DISC1: variants seen among roughly 807,000 people sequenced by gnomAD.
DISC1 encodes the protein DISC1 scaffold protein, also known as disrupted in schizophrenia 1 protein.
Under a neutral mutation model 84.5 loss-of-function variants are expected in DISC1, and 57 were observed. The observed-to-expected ratio is 0.67, with a 90% CI of 0.55 to 0.84. The LOEUF (loss-of-function observed/expected upper bound fraction) is 0.84. Ranked by LOEUF, DISC1 falls within the 40% of genes least tolerant of loss-of-function variation. The probability of loss-of-function intolerance (pLI) is 0.00; values close to 1 mark genes in which losing one functional copy is unlikely to be tolerated. For missense variants in DISC1, 1,000 were observed against 1,057.8 expected (o/e 0.95, Z 0.76); for synonymous variants, 411 against 415.2 (o/e 0.99, Z 0.12).
At chr1:231,655,194 T>C (rs964183849) in intron 1 of DISC1, among the ~76,000 whole-genome samples, 1 of 152,222 alleles carries the variant, frequency 6.6e-6, no homozygotes, top group Non-Finnish European at 1.5e-5. Context: ...GAAATTTTAG[T>C]GTACCCAAGT....
In DISC1 at chr1:231,892,459, C is replaced by A. The variant is rs559203514; in HGVS notation, c.1982-66369C>A. 5.3e-5 allele frequency among the ~76,000 whole-genome samples: 8 copies of A among 152,188 alleles called. No individual in the cohort carries two copies. In the East Asian group the frequency reaches 1.5e-3, roughly 29 times the overall value. Reference sequence around the variant, plus strand: ...GAGTAAACTGCTGAACCCTGTGGTGCCTTGGTGTCCTCACCAATAAAATAG... The same window carrying A: ...GAGTAAACTGCTGAACCCTGTGGTGACTTGGTGTCCTCACCAATAAAATAG... On this transcript the variant is annotated intron_variant, in intron 9 of 12. Coordinates refer to ENST00000439617, the MANE Select transcript of DISC1 (RefSeq NM_018662.3).
chr1:231,973,625 G>C (rs189083222), intron 10 of DISC1, among the ~76,000 whole-genome samples: 2 of 152,314 alleles, frequency 1.3e-5, no homozygotes, highest in African/African-American at 4.8e-5. Flanking sequence ...GTTTTGTCTT[G>C]TCCGTGGCAG....
intron 1 of DISC1, among the ~76,000 whole-genome samples, chr1:231,641,235 C>T (rs755806890): frequency 2.0e-5 from 3 of 152,192 alleles, no homozygotes; most frequent in Admixed American, 6.5e-5. Flanking sequence ...CGCGGACCCT[C>T]GCGGTGAGTG....
intron 3 of DISC1, among the ~76,000 whole-genome samples, chr1:231,710,879 G>C (rs1234815569): frequency 6.6e-6 from 1 of 152,094 alleles, no homozygotes; most frequent in Non-Finnish European, 1.5e-5. Context: ...ATTGCAGGGG[G>C]ATATAATTTA....
At chr1:231,748,214 G>A (rs1337683101) in intron 3 of DISC1, among the ~76,000 whole-genome samples, 2 of 152,188 alleles carry the variant, frequency 1.3e-5, no homozygotes, top group African/African-American at 2.4e-5. Context: ...ATTCCAATTT[G>A]AATGTCTTTT....
chr1:232,003,750 G>C (rs1666997172), intron 10 of DISC1, among the ~76,000 whole-genome samples: 2 of 151,640 alleles, frequency 1.3e-5, no homozygotes, highest in South Asian at 4.1e-4. Flanking sequence ...AATAAAATTA[G>C]ATATTAATCT....
In DISC1 at chr1:231,916,565, G is replaced by A. The variant is rs367724647; in HGVS notation, c.1982-42263G>A. Reference sequence around the variant, plus strand: ...AGCTACTCGGGAGGCTGAGGCAGGAGAATGGCGTGAACCCGGGAGGCGGAG... The same window carrying A: ...AGCTACTCGGGAGGCTGAGGCAGGAAAATGGCGTGAACCCGGGAGGCGGAG... On this transcript the variant is annotated intron_variant, in intron 9 of 12. Transcript: ENST00000439617. Among the ~76,000 whole-genome samples, 646 of 147,694 alleles carry A rather than the reference G, an allele frequency of 4.4e-3. 8 individuals carry two copies. The highest frequency in any genetic ancestry group is 0.015 in the African/African-American group (599 of 40,194).
At chr1:231,937,363 G>C (rs912383496) in intron 9 of DISC1, among the ~76,000 whole-genome samples, 1 of 152,244 alleles carries the variant, frequency 6.6e-6, no homozygotes, top group African/African-American at 2.4e-5. Context: ...AACTGTGGGG[G>C]TTGGAGAATA....
chr1:231,748,267 G>T (rs1243345529), intron 3 of DISC1, among the ~76,000 whole-genome samples: 1 of 152,144 alleles, frequency 6.6e-6, no homozygotes, highest in African/African-American at 2.4e-5. Flanking sequence ...GACTTCCAGT[G>T]CTATGTTGAA....
intron 1 of DISC1, among the ~76,000 whole-genome samples, chr1:231,664,592 A>G (rs1022025425): frequency 1.3e-5 from 2 of 152,228 alleles, no homozygotes; most frequent in East Asian, 1.9e-4. Context: ...AAGATGCTCA[A>G]CTGCTTTTGA....
intron 4 of DISC1, among the ~76,000 whole-genome samples, chr1:231,751,265 C>A (rs200729749): frequency 1.3e-5 from 2 of 152,118 alleles, no homozygotes; most frequent in African/African-American, 4.8e-5. Context: ...TATTTCTTGT[C>A]GTCTACTCCA....
At chr1:231,962,331 T>C (rs1285858672) in intron 10 of DISC1, among the ~76,000 whole-genome samples, 1 of 152,184 alleles carries the variant, frequency 6.6e-6, no homozygotes, top group Non-Finnish European at 1.5e-5. Flanking sequence ...CTGTAGGTTG[T>C]CTGTTTACTC....
At chr1:231,672,602 C>T (rs978731087) in intron 1 of DISC1, among the ~76,000 whole-genome samples, 2 of 152,158 alleles carry the variant, frequency 1.3e-5, no homozygotes, top group Admixed American at 6.5e-5. Flanking sequence ...GGAAGTGGAG[C>T]TCATTCTGGC....
rs199546953 is a variant in DISC1, at chr1:231,936,928, A to G, written c.1982-21900A>G. Reference sequence around the variant, plus strand: ...ATCAAAAACTGAGCTTGAACTTCCTATAATTTCTTCTTTTTGGTCAAAGGA... The same window carrying G: ...ATCAAAAACTGAGCTTGAACTTCCTGTAATTTCTTCTTTTTGGTCAAAGGA... On this transcript the variant is annotated intron_variant, in intron 9 of 12. Transcript: ENST00000439617. Among the ~76,000 whole-genome samples, 289 of 152,292 alleles carry G rather than the reference A, an allele frequency of 1.9e-3. 2 individuals are homozygous for G. Among genetic ancestry groups the G allele is most frequent in the African/African-American group, 6.8e-3 (283 of 41,554 alleles).
At chr1:231,746,043 G>A (rs1311493108) in intron 3 of DISC1, among the ~76,000 whole-genome samples, 1 of 152,162 alleles carries the variant, frequency 6.6e-6, no homozygotes, top group African/African-American at 2.4e-5. Context: ...GGCCCTCACT[G>A]GAAGCAGATG....
At chr1:231,762,331 GCCTTCCTT>G (rs1293853344) in intron 4 of DISC1, among the ~76,000 whole-genome samples, 11 of 135,080 alleles carry the variant, frequency 8.1e-5, no homozygotes, top group Non-Finnish European at 1.2e-4. Flanking sequence ...CTGCCTTCCT[GCCTTCCTT>G]CCTTTCCTTT....
chr1:231,647,075 C>T (rs941789215), intron 1 of DISC1, among the ~76,000 whole-genome samples: 6 of 152,110 alleles, frequency 3.9e-5, no homozygotes, highest in Admixed American at 3.9e-4. Context: ...TAATTAGATC[C>T]CATTTGTCTA....
chr1:231,996,338 T>C (rs1364974863), intron 10 of DISC1, among the ~76,000 whole-genome samples: 6 of 152,202 alleles, frequency 3.9e-5, no homozygotes, highest in Non-Finnish European at 7.3e-5. Flanking sequence ...AGAAGCTCTT[T>C]AGTTTAATTA....
At chr1:231,635,853 AATAG>A in intron 1 of DISC1, among the ~76,000 whole-genome samples, 1 of 152,372 alleles carries the variant, frequency 6.6e-6, no homozygotes, top group Admixed American at 6.5e-5. Flanking sequence ...TGTAAATTCA[AATAG>A]ATAGTGTTGT....
Sources: allele counts gnomAD v4.1 joint callset (sites outside exome capture counted in the v4.1 genomes callset), GRCh38; gene constraint gnomAD v4.1.1; transcripts MANE v1.5; gene names NCBI Gene and HGNC (gene_info 2026-07-23, HGNC 2026-07-21).